Variants in GABBR2 observed in about 807,000 individuals in gnomAD.
The protein encoded by GABBR2 is G-protein coupled receptor 51.
In GABBR2, 23 loss-of-function variants were observed where a neutral mutation model predicts 105.6. That is an observed-to-expected ratio of 0.22 (90% CI 0.16 to 0.31). The LOEUF (loss-of-function observed/expected upper bound fraction) is 0.31. Ranked by LOEUF, GABBR2 falls within the 10% of genes least tolerant of loss-of-function variation. The pLI, the probability that GABBR2 is intolerant of heterozygous loss-of-function variation, is 1.00. For missense variants in GABBR2, 734 were observed against 1,245.5 expected (o/e 0.59, Z 6.18); for synonymous variants, 478 against 499.7 (o/e 0.96, Z 0.58).
At chr9:98,423,948 C>A (rs1197402645) in intron 7 of GABBR2, among the ~76,000 whole-genome samples, 3 of 152,146 alleles carry the variant, frequency 2.0e-5, no homozygotes, top group Non-Finnish European at 4.4e-5. Context: ...GGGCTCCGTT[C>A]TGTTCTATAT....
At chr9:98,370,344 T>A (rs1353827777) in intron 12 of GABBR2, among the ~76,000 whole-genome samples, 2 of 152,048 alleles carry the variant, frequency 1.3e-5, no homozygotes, top group Non-Finnish European at 2.9e-5. Context: ...AAAGTCCTAG[T>A]AATGAGGGAC....
At chr9:98,582,946 G>A (rs1829022032) in intron 1 of GABBR2, among the ~76,000 whole-genome samples, 1 of 152,158 alleles carries the variant, frequency 6.6e-6, no homozygotes, top group African/African-American at 2.4e-5. Context: ...TGTCTTGCCA[G>A]GATTAGGAGA....
At chr9:98,626,096 C>T (rs1049146482) in intron 1 of GABBR2, among the ~76,000 whole-genome samples, 6 of 152,166 alleles carry the variant, frequency 3.9e-5, no homozygotes, top group Non-Finnish European at 7.3e-5. Context: ...GGTAGAGATT[C>T]GGAAGTGAAC....
At chr9:98,519,955 A>C (rs924632411) in intron 3 of GABBR2, among the ~76,000 whole-genome samples, 4 of 152,120 alleles carry the variant, frequency 2.6e-5, no homozygotes, top group Non-Finnish European at 5.9e-5. Flanking sequence ...TTTTCCCTCT[A>C]GGAAGGCTGT....
At chr9:98,622,632 A>G (rs940011265) in intron 1 of GABBR2, among the ~76,000 whole-genome samples, 1 of 152,176 alleles carries the variant, frequency 6.6e-6, no homozygotes, top group Non-Finnish European at 1.5e-5. Flanking sequence ...CCTCAGCTCA[A>G]AACCTTCCTG....
At position 98,587,434 on chromosome 9, in the gene GABBR2, C is replaced by T. The variant is rs79230282; in HGVS notation, c.322-9362G>A. ...CCTATTATCTTGGGTAGCAAAACAC[C>T]GACAATCCTTCCTTGGTGCCCAGGG... On this transcript the variant is annotated intron_variant, in intron 1 of 18. Transcript: ENST00000259455. Among the ~76,000 whole-genome samples the T allele has an allele frequency of 3.1e-3, 467 of 152,174 alleles. 2 individuals carry two copies. Among genetic ancestry groups the T allele is most frequent in the African/African-American group, 0.011 (448 of 41,490 alleles).
intron 16 of GABBR2, among the ~76,000 whole-genome samples, chr9:98,301,740 T>C (rs547786436): frequency 4.5e-4 from 68 of 152,266 alleles, no homozygotes; most frequent in Admixed American, 1.3e-3. Flanking sequence ...AGTGTGCAAG[T>C]AGAAGTGAAA....
chr9:98,438,704 C>T (rs1314399604), intron 7 of GABBR2, among the ~76,000 whole-genome samples: 1 of 152,152 alleles, frequency 6.6e-6, no homozygotes, highest in Non-Finnish European at 1.5e-5. Flanking sequence ...GACACCCACT[C>T]CCTGGCCTGC....
chr9:98,428,963 C>G (rs1588155798), intron 7 of GABBR2, among the ~76,000 whole-genome samples: 1 of 152,260 alleles, frequency 6.6e-6, no homozygotes, highest in Admixed American at 6.5e-5. Flanking sequence ...ACATTCTCAT[C>G]CACATCTTTG....
At chr9:98,422,079 A>T (rs1335164369) in intron 7 of GABBR2, among the ~76,000 whole-genome samples, 2 of 152,184 alleles carry the variant, frequency 1.3e-5, no homozygotes, top group African/African-American at 4.8e-5. Flanking sequence ...CGTGGTCTTA[A>T]CACCCAGATT....
At chr9:98,315,625 G>T (rs972789005) in intron 13 of GABBR2, among the ~76,000 whole-genome samples, 4 of 152,244 alleles carry the variant, frequency 2.6e-5, no homozygotes, top group African/African-American at 9.6e-5. Flanking sequence ...ATGCACCTGA[G>T]CATGCAACCT....
intron 7 of GABBR2, among the ~76,000 whole-genome samples, chr9:98,449,820 T>C (rs1487564108): frequency 6.6e-6 from 1 of 152,120 alleles, no homozygotes; most frequent in Non-Finnish European, 1.5e-5. Context: ...TTCTAAACCA[T>C]GGAGGGCCAA....
intron 13 of GABBR2, among the ~76,000 whole-genome samples, chr9:98,321,039 C>G (rs751290331): frequency 6.6e-6 from 1 of 151,954 alleles, no homozygotes; most frequent in Non-Finnish European, 1.5e-5. Flanking sequence ...GTAAGGGGAC[C>G]ACTGGTGCAT....
At chr9:98,657,114 ACAAT>A (rs1345958352) in intron 1 of GABBR2, among the ~76,000 whole-genome samples, 1 of 152,232 alleles carries the variant, frequency 6.6e-6, no homozygotes, top group Non-Finnish European at 1.5e-5. Flanking sequence ...ACCTGTGGTA[ACAAT>A]CAATTGGAAC....
intron 3 of GABBR2, among the ~76,000 whole-genome samples, chr9:98,498,940 G>A (rs764892130): frequency 2.6e-5 from 4 of 152,218 alleles, no homozygotes; most frequent in South Asian, 2.1e-4. Context: ...CAATGCGTGA[G>A]CTCCTGGAAA....
In GABBR2 at chr9:98,560,436, CACACAT is replaced by C. The variant is rs1270122336; in HGVS notation, c.459+17493_459+17498del. ...ACACACATATACACATACACACACA[CACACAT>C]ACACACACACACATATATACATGCA... On this transcript the variant is annotated intron_variant, in intron 2 of 18. Transcript: ENST00000259455. 1.1e-3 allele frequency among the ~76,000 whole-genome samples: 158 copies of C among 139,400 alleles called. 1 individual carries two copies. The highest frequency in any genetic ancestry group is 3.8e-3 in the African/African-American group (145 of 38,016). The allele number at this position is 139,400 out of a possible 152,430, so 91.5% of individuals were successfully genotyped here. A position where few individuals can be genotyped will look rare whatever the true frequency, so the allele number is the denominator to read the frequency against.
intron 4 of GABBR2, among the ~76,000 whole-genome samples, chr9:98,486,012 G>C (rs1295569017): frequency 6.6e-6 from 1 of 152,212 alleles, no homozygotes; most frequent in Non-Finnish European, 1.5e-5. Flanking sequence ...GGAGACCCCT[G>C]TGGGGCCAGG....
chr9:98,411,465 T>C (rs750997136), intron 7 of GABBR2, among the ~76,000 whole-genome samples: 1 of 152,138 alleles, frequency 6.6e-6, no homozygotes, highest in Non-Finnish European at 1.5e-5. Flanking sequence ...AGAAGATAAT[T>C]ATGAAATGAG....
intron 1 of GABBR2, among the ~76,000 whole-genome samples, chr9:98,648,538 T>C (rs1217881904): frequency 6.6e-6 from 1 of 152,152 alleles, no homozygotes; most frequent in Non-Finnish European, 1.5e-5. Context: ...CAGTGGCAAG[T>C]ACTTGACAGC....
Sources: gnomAD v4.1 joint callset for allele counts (sites outside exome capture counted in the v4.1 genomes callset) on GRCh38, gnomAD v4.1.1 for gene constraint, MANE v1.5 for transcripts, NCBI Gene and HGNC (gene_info 2026-07-23, HGNC 2026-07-21) for gene names.